Variants in TAOK3 observed in about 807,000 individuals in gnomAD.
TAOK3 encodes TAO kinase 3.
In TAOK3, 40 loss-of-function variants were observed where a neutral mutation model predicts 120.4. That is an observed-to-expected ratio of 0.33 (90% CI 0.26 to 0.43). The LOEUF (loss-of-function observed/expected upper bound fraction) is 0.43. Ranked by LOEUF, TAOK3 falls within the 20% of genes least tolerant of loss-of-function variation. The pLI, the probability that TAOK3 is intolerant of heterozygous loss-of-function variation, is 1.00. For synonymous variants in TAOK3, 355 were observed against 387.5 expected, an observed-to-expected ratio of 0.92 and a Z score of 0.99; for missense variants, 821 against 1,112.1, an observed-to-expected ratio of 0.74 and a Z score of 3.72.
At chr12:118,306,657 T>C (rs1416893310) in intron 1 of TAOK3, among the ~76,000 whole-genome samples, 3 of 152,222 alleles carry the variant, frequency 2.0e-5, no homozygotes, top group Non-Finnish European at 4.4e-5. Flanking sequence ...TGGACCTTAA[T>C]GTTCACTGAA....
chr12:118,150,980 T>C lies in TAOK3; in HGVS notation c.*17A>G, dbSNP rs753285836. On this transcript the variant is annotated 3_prime_UTR_variant, in exon 21 of 21. Coordinates refer to ENST00000392533, the MANE Select transcript of TAOK3 (RefSeq NM_016281.4). ...TCTTTTTTTTTTTTTTTTTTGTAAA[T>C]GGCAAAAAATTTAATCTCATCTGTA... is the stretch of plus-strand genomic sequence containing the variant. The C allele has an allele frequency of 1.5e-5, 21 of 1,429,788 alleles. No homozygotes were observed. The highest frequency in any genetic ancestry group is 3.0e-5 in the African/African-American group (2 of 66,196). 88.6% of individuals were successfully genotyped at this position (1,429,788 alleles called of 1,614,324 possible).
At chr12:118,172,840 G>A (rs1015429559) in intron 16 of TAOK3, among the ~76,000 whole-genome samples, 180 bp from the exon 17 acceptor site, 1 of 152,168 alleles carries the variant, frequency 6.6e-6, no homozygotes, top group Non-Finnish European at 1.5e-5. Flanking sequence ...TATTAAGTGA[G>A]AGGGACACTT....
At chr12:118,370,978 C>T (rs2045876395) in intron 1 of TAOK3, among the ~76,000 whole-genome samples, 1 of 152,152 alleles carries the variant, frequency 6.6e-6, no homozygotes. Flanking sequence ...CTTAGTTTTG[C>T]GACTCCAAAA....
At chr12:118,239,590 A>G (rs1244074563) in intron 5 of TAOK3, among the ~76,000 whole-genome samples, 1 of 152,252 alleles carries the variant, frequency 6.6e-6, no homozygotes, top group Non-Finnish European at 1.5e-5. Flanking sequence ...AAAAGGATTC[A>G]GGTGACTATG....
At chr12:118,211,711 G>T (rs1207479762) in intron 11 of TAOK3, among the ~76,000 whole-genome samples, 1 of 151,144 alleles carries the variant, frequency 6.6e-6, no homozygotes. Context: ...AAAATCCTGG[G>T]CTCACGTGAT....
chr12:118,353,844 G>T (rs558644344), intron 1 of TAOK3, among the ~76,000 whole-genome samples: 2 of 152,126 alleles, frequency 1.3e-5, no homozygotes, highest in Non-Finnish European at 2.9e-5. Context: ...AACACTAAAA[G>T]TATATTCACA....
intron 20 of TAOK3, 145 bp from the exon 21 acceptor site, chr12:118,151,303 A>ACG (rs2034414926): frequency 2.0e-6 from 1 of 505,646 alleles, no homozygotes; most frequent in African/African-American, 2.0e-5. Context: ...ACACACACAC[A>ACG]CACACACACA....
intron 1 of TAOK3, among the ~76,000 whole-genome samples, chr12:118,299,349 G>C (rs2029950417): frequency 6.6e-6 from 1 of 151,826 alleles, no homozygotes; most frequent in Non-Finnish European, 1.5e-5. Flanking sequence ...TAGCTATCTT[G>C]AGTTCAAATA....
At chr12:118,357,003 A>G (rs900557289) in intron 1 of TAOK3, among the ~76,000 whole-genome samples, 1 of 152,210 alleles carries the variant, frequency 6.6e-6, no homozygotes, top group African/African-American at 2.4e-5. Context: ...TGATTTCTTA[A>G]TAGAATATCC....
At chr12:118,333,702 G>C (rs1390448625) in intron 1 of TAOK3, among the ~76,000 whole-genome samples, 1 of 149,254 alleles carries the variant, frequency 6.7e-6, no homozygotes, top group Non-Finnish European at 1.5e-5. Context: ...CTAGTTATTT[G>C]AAAAAAAAAT....
intron 1 of TAOK3, among the ~76,000 whole-genome samples, chr12:118,293,883 C>T (rs575887852): frequency 1.3e-5 from 2 of 150,478 alleles, no homozygotes; most frequent in South Asian, 2.1e-4. Flanking sequence ...GGCATGGTGG[C>T]GCACGCCTGT....
intron 11 of TAOK3, among the ~76,000 whole-genome samples, chr12:118,202,810 C>T (rs543872122): frequency 1.6e-5 from 2 of 124,268 alleles, no homozygotes; most frequent in East Asian, 2.6e-4. Flanking sequence ...GATGGAGTCT[C>T]GCTCTCTCAC....
intron 1 of TAOK3, among the ~76,000 whole-genome samples, chr12:118,298,310 T>C (rs1181042056): frequency 6.6e-6 from 1 of 152,206 alleles, no homozygotes; most frequent in Non-Finnish European, 1.5e-5. Context: ...CTAGTTTCAA[T>C]AGGTCTGAGA....
At chr12:118,290,212 G>A (rs778186248) in intron 1 of TAOK3, among the ~76,000 whole-genome samples, 6 of 152,090 alleles carry the variant, frequency 3.9e-5, no homozygotes, top group Admixed American at 1.3e-4. Flanking sequence ...TGTAAAGGGC[G>A]TATGAAATCC....
At chr12:118,368,181 T>C (rs1048596723) in intron 1 of TAOK3, among the ~76,000 whole-genome samples, 6 of 152,180 alleles carry the variant, frequency 3.9e-5, no homozygotes, top group African/African-American at 7.2e-5. Context: ...TAAGGCTCCA[T>C]CTTAACGACT....
intron 3 of TAOK3, among the ~76,000 whole-genome samples, chr12:118,249,855 A>G (rs1427386565): frequency 6.6e-6 from 1 of 152,226 alleles, no homozygotes; most frequent in Non-Finnish European, 1.5e-5. Context: ...ATAAATAAAA[A>G]TTTTAAAAGT....
chr12:118,325,959 C>A (rs1158234315), intron 1 of TAOK3, among the ~76,000 whole-genome samples: 1 of 152,132 alleles, frequency 6.6e-6, no homozygotes. Context: ...GCACAACAAG[C>A]GTGAGCCACA....
At chr12:118,288,985 T>G (rs1046749059) in intron 1 of TAOK3, among the ~76,000 whole-genome samples, 1 of 149,790 alleles carries the variant, frequency 6.7e-6, no homozygotes, top group Non-Finnish European at 1.5e-5. Flanking sequence ...TTGGACAATT[T>G]TCATATGGCT....
intron 1 of TAOK3, among the ~76,000 whole-genome samples, chr12:118,312,218 A>T (rs1342932181): frequency 6.6e-6 from 1 of 152,166 alleles, no homozygotes; most frequent in Non-Finnish European, 1.5e-5. Context: ...AAGCCAGGGG[A>T]AACAGGCACA....
Sources: gnomAD v4.1 joint callset for allele counts (sites outside exome capture counted in the v4.1 genomes callset) on GRCh38, gnomAD v4.1.1 for gene constraint, MANE v1.5 for transcripts, NCBI Gene and HGNC (gene_info 2026-07-23, HGNC 2026-07-21) for gene names.